MRTFB: variants seen among roughly 807,000 people sequenced by gnomAD.
The protein encoded by MRTFB is myocardin-related transcription factor B.
In MRTFB, 29 loss-of-function variants were observed where a neutral mutation model predicts 104.2. The ratio of observed to expected loss-of-function variants is 0.28; its 90% CI spans 0.21 to 0.38. MRTFB has a LOEUF of 0.38. Ranked by LOEUF, MRTFB falls within the 10% of genes least tolerant of loss-of-function variation. The probability of loss-of-function intolerance (pLI) is 1.00; values close to 1 mark genes in which losing one functional copy is unlikely to be tolerated. For synonymous variants in MRTFB, 535 were observed against 519.5 expected (o/e 1.03, Z -0.41); for missense variants, 1,270 against 1,341.6 (o/e 0.95, Z 0.83).
At chr16:14,122,958 T>C (rs571414870) in intron 2 of MRTFB, among the ~76,000 whole-genome samples, 7 of 152,364 alleles carry the variant, frequency 4.6e-5, no homozygotes, top group Admixed American at 1.3e-4. Context: ...ATCTGTTGTT[T>C]CCTGACTTTT....
Position 14,155,960 on chromosome 16 carries a change from G to A in MRTFB, c.154+15200G>A, listed in dbSNP as rs563920212. On this transcript the variant is annotated intron_variant, in intron 3 of 16. Coordinates refer to ENST00000571589, the MANE Select transcript of MRTFB (RefSeq NM_001308142.2). Reference sequence around the variant, plus strand: ...CTTCCCTGAAACTTCAGCTGCCTTAGCCTGCTTAAGCTCTCCTCTCATCTC... The same window carrying A: ...CTTCCCTGAAACTTCAGCTGCCTTAACCTGCTTAAGCTCTCCTCTCATCTC... Among the ~76,000 whole-genome samples, 36 of 152,232 alleles carry A rather than the reference G, an allele frequency of 2.4e-4. No individual in the cohort carries two copies. The South Asian group carries it at 7.0e-3, about 30-fold the overall frequency.
intron 3 of MRTFB, among the ~76,000 whole-genome samples, chr16:14,163,148 T>C (rs1391823115): frequency 6.6e-6 from 1 of 152,218 alleles, no homozygotes; most frequent in Non-Finnish European, 1.5e-5. Context: ...TTTTTGTTCT[T>C]AGACTATATC....
chr16:13,995,858 A>C, the MRTFB span, among the ~76,000 whole-genome samples: 2 of 152,132 alleles, frequency 1.3e-5, no homozygotes, highest in African/African-American at 4.8e-5. Context: ...ACCTCCCTCC[A>C]GACCCCTCCC....
At chr16:14,238,271 G>T (rs1314844185) in intron 9 of MRTFB, among the ~76,000 whole-genome samples, 1 of 152,174 alleles carries the variant, frequency 6.6e-6, no homozygotes, top group Non-Finnish European at 1.5e-5. Context: ...TAGAGACACT[G>T]TCGAGAGGCA....
the MRTFB span, among the ~76,000 whole-genome samples, chr16:14,059,042 T>C: frequency 6.6e-6 from 1 of 152,230 alleles, no homozygotes; most frequent in East Asian, 1.9e-4. Context: ...TATTTAATCC[T>C]TTGTATAACT....
intron 3 of MRTFB, chr16:14,152,537 A>G (rs1164477604): frequency 6.6e-6 from 1 of 152,102 alleles, no homozygotes; most frequent in Non-Finnish European, 1.5e-5. Context: ...TTTATTGTGT[A>G]TTTTTATGCA....
chr16:14,085,104 T>G (rs2141906106), intron 2 of MRTFB, among the ~76,000 whole-genome samples: 1 of 152,140 alleles, frequency 6.6e-6, no homozygotes, highest in East Asian at 1.9e-4. Flanking sequence ...TATAGCAAGA[T>G]CTCATCTCTT....
chr16:14,114,376 A>T (rs1035064766), intron 2 of MRTFB, among the ~76,000 whole-genome samples: 1 of 152,196 alleles, frequency 6.6e-6, no homozygotes, highest in African/African-American at 2.4e-5. Context: ...ACATGGAAGG[A>T]TTATTTTCTT....
chr16:14,056,345 T>C, the MRTFB span, among the ~76,000 whole-genome samples: 1 of 152,114 alleles, frequency 6.6e-6, no homozygotes, highest in Non-Finnish European at 1.5e-5. Flanking sequence ...CCTTCCTCCT[T>C]TTCTTGCTTA....
At chr16:14,096,765 A>G (rs2035397853) in intron 2 of MRTFB, among the ~76,000 whole-genome samples, 1 of 152,194 alleles carries the variant, frequency 6.6e-6, no homozygotes, top group Non-Finnish European at 1.5e-5. Context: ...CCTTTAGATA[A>G]TTTACTTAAA....
At chr16:14,233,905 C>T (rs2042382313) in intron 8 of MRTFB, among the ~76,000 whole-genome samples, 1 of 151,892 alleles carries the variant, frequency 6.6e-6, no homozygotes, top group African/African-American at 2.4e-5. Context: ...GAAAATACTC[C>T]AGTATCGTCA....
intron 2 of MRTFB, among the ~76,000 whole-genome samples, chr16:14,082,191 T>C (rs1454015953): frequency 6.6e-6 from 1 of 152,244 alleles, no homozygotes; most frequent in African/African-American, 2.4e-5. Flanking sequence ...TTTAAGTCTT[T>C]AATACATTTT....
chr16:14,068,116 G>A (rs969204123), upstream of MRTFB, among the ~76,000 whole-genome samples: 1 of 152,160 alleles, frequency 6.6e-6, no homozygotes, highest in Admixed American at 6.5e-5. Context: ...ACAGGCATGA[G>A]CCACCACAGC....
At chr16:14,132,932 C>T (rs370542714) in intron 2 of MRTFB, among the ~76,000 whole-genome samples, 4 of 151,878 alleles carry the variant, frequency 2.6e-5, no homozygotes, top group African/African-American at 7.3e-5. Flanking sequence ...TTATGCCAGT[C>T]GTAGTAATTT....
rs2151432836 is a variant in MRTFB at position 14,251,902 on chromosome 16, A to G, written c.2444A>G (p.Tyr815Cys). 1.2e-6 allele frequency: 2 copies of G among 1,614,242 alleles called. No homozygotes were observed. The highest frequency in any genetic ancestry group is 4.5e-5 in the East Asian group (2 of 44,890). ...NSASSNTVLP[Y>C]QRHPAPAVQQ... Reference sequence around the variant, plus strand: ...GCATCATCAAATACAGTTCTTCCATATCAGAGACATCCTGCCCCAGCTGTC... The same window carrying G: ...GCATCATCAAATACAGTTCTTCCATGTCAGAGACATCCTGCCCCAGCTGTC... The change falls in exon 14 of 17, where the codon TAT becomes TGT. Residue 815 changes from tyrosine (Y) to cysteine (C), a missense_variant. This residue lies in a region of MRTFB where 1,144 missense variants were observed against 1,131.5 expected (regional missense o/e 1.01). Transcript: ENST00000571589.
At chr16:14,144,977 CATACATATATATATATATGT>C (rs1371803571) in intron 3 of MRTFB, among the ~76,000 whole-genome samples, 13 of 144,164 alleles carry the variant, frequency 9.0e-5, no homozygotes, top group African/African-American at 2.3e-4. Flanking sequence ...TAAATATATA[CATACATATATATATATATGT>C]ATATATATAT....
At chr16:14,011,434 A>T in the MRTFB span, among the ~76,000 whole-genome samples, 23 of 152,222 alleles carry the variant, frequency 1.5e-4, no homozygotes, top group African/African-American at 5.5e-4. Flanking sequence ...GAGGGATAAC[A>T]TGATGTGGCC....
chr16:14,053,708 T>G, the MRTFB span, among the ~76,000 whole-genome samples: 1 of 142,214 alleles, frequency 7.0e-6, no homozygotes, highest in Non-Finnish European at 1.5e-5. Context: ...CCAGCCTGAG[T>G]GACAGAGCAG....
chr16:14,071,093 G>A (rs1009368034), upstream of MRTFB, among the ~76,000 whole-genome samples: 1 of 152,196 alleles, frequency 6.6e-6, no homozygotes, highest in East Asian at 1.9e-4. Context: ...CGGCCGGCCA[G>A]GTGAGAAGGA....
Sources: gnomAD v4.1 joint callset for allele counts (sites outside exome capture counted in the v4.1 genomes callset) on GRCh38, gnomAD v4.1.1 for gene constraint, gnomAD v4.1.1 regional missense constraint, MANE v1.5 for transcripts, NCBI Gene and HGNC (gene_info 2026-07-23, HGNC 2026-07-21) for gene names.